CMC2: variants seen among roughly 807,000 people sequenced by gnomAD.
CMC2 encodes the protein COX assembly mitochondrial protein 2 homolog.
In CMC2, 5 loss-of-function variants were observed where a neutral mutation model predicts 7.5. The observed-to-expected ratio is 0.66, with a 90% CI of 0.35 to 1.40. CMC2 has a LOEUF of 1.40. Among genes scored for constraint, CMC2 ranks in the 40% most tolerant of loss-of-function variants. The probability of loss-of-function intolerance (pLI) is 0.04; values close to 1 mark genes in which losing one functional copy is unlikely to be tolerated. For missense variants in CMC2, 115 were observed against 92.3 expected (o/e 1.25, Z -1.01); for synonymous variants, 37 against 31.4 (o/e 1.18, Z -0.60).
rs112628217 is a variant in CMC2, at chr16:80,971,016, T to A, written c.*5077A>T. 870 of 152,246 alleles carry A rather than the reference T, an allele frequency of 5.7e-3. 5 individuals carry two copies. The highest frequency in any genetic ancestry group is 0.02 in the African/African-American group (833 of 41,524). 9.4% of individuals were successfully genotyped at this position (152,246 alleles called of 1,614,324 possible). A position where few individuals can be genotyped will look rare whatever the true frequency, so the allele number is the denominator to read the frequency against. On this transcript the variant is annotated 3_prime_UTR_variant, in exon 4 of 4. Coordinates refer to ENST00000219400, the MANE Select transcript of CMC2 (RefSeq NM_020188.5). ...AGGGCATGGTGGCACATGCCTGTAGTCCCAGCCACTCAGGAGGCTAAGGCA... is the reference window on the plus strand; with the variant it reads ...AGGGCATGGTGGCACATGCCTGTAGACCCAGCCACTCAGGAGGCTAAGGCA...
At chr16:80,991,502 C>T (rs1967989894) in intron 2 of CMC2, among the ~76,000 whole-genome samples, 1 of 151,978 alleles carries the variant, frequency 6.6e-6, no homozygotes, top group Non-Finnish European at 1.5e-5. Context: ...ATTATTCGAG[C>T]ATGGTGACGT....
intron 2 of CMC2, among the ~76,000 whole-genome samples, chr16:80,994,824 G>C (rs897437723): frequency 1.3e-5 from 2 of 152,152 alleles, no homozygotes; most frequent in African/African-American, 4.8e-5. Flanking sequence ...ATTTACCCAA[G>C]AGAAATAAAA....
chr16:80,992,381 G>C (rs1968072027), intron 2 of CMC2, among the ~76,000 whole-genome samples: 1 of 152,094 alleles, frequency 6.6e-6, no homozygotes, highest in South Asian at 2.1e-4. Flanking sequence ...TCCTATAAGT[G>C]GGACTGATGG....
chr16:80,983,630 T>G (rs139169272), intron 2 of CMC2: 38 of 152,352 alleles, frequency 2.5e-4, no homozygotes, highest in African/African-American at 8.2e-4. Flanking sequence ...TAATAAATGC[T>G]TAGTGCCAGA....
chr16:80,981,059 T>G (rs1967074626), intron 3 of CMC2, among the ~76,000 whole-genome samples: 1 of 149,818 alleles, frequency 6.7e-6, no homozygotes. Context: ...AATATTATAT[T>G]TAAATCTTTC....
At position 80,981,983 on chromosome 16, in the gene CMC2, G is replaced by A. The variant is rs112144114; in HGVS notation, c.82-106C>T. 4.6e-3 allele frequency: 2,910 copies of A among 627,866 alleles called. 63 individuals carry two copies. The highest frequency in any genetic ancestry group is 0.046 in the African/African-American group (2,495 of 53,944). The allele number at this position is 627,866 out of a possible 1,614,324, so 38.9% of individuals were successfully genotyped here. A position where few individuals can be genotyped will look rare whatever the true frequency, so the allele number is the denominator to read the frequency against. ...AGACATGAGTTTACAGTGTCACTTT[G>A]TTAATAAACAAGTAATAGTTAAATC... On this transcript the variant is annotated intron_variant, in intron 2 of 3. Coordinates refer to ENST00000219400, the MANE Select transcript of CMC2 (RefSeq NM_020188.5).
rs1320119234 is a variant in CMC2 at position 80,974,173 on chromosome 16, C to G, written c.*1920G>C. The G allele has an allele frequency of 2.0e-5, 3 of 152,286 alleles. No homozygotes were observed. Among genetic ancestry groups the G allele is most frequent in the Non-Finnish European group, 4.4e-5 (3 of 68,080 alleles). The allele number at this position is 152,286 out of a possible 1,614,324, so 9.4% of individuals were successfully genotyped here. ...AGACATCCTAGACACTTCCTTAAAC[C>G]CTACACCTAGTCAGTCATGCTGACT... On this transcript the variant is annotated 3_prime_UTR_variant, in exon 4 of 4. Transcript: ENST00000219400.
At position 80,987,722 on chromosome 16, in the gene CMC2, C is replaced by G. The variant is rs567516569; in HGVS notation, c.82-5845G>C. On this transcript the variant is annotated intron_variant, in intron 2 of 3. Transcript: ENST00000219400. Reference sequence around the variant, plus strand: ...CAAGGTAGGCTATTTGGAGATAAAACACTCATGCACTTCAAGCAGGTTGGA... The same window carrying G: ...CAAGGTAGGCTATTTGGAGATAAAAGACTCATGCACTTCAAGCAGGTTGGA... 9.2e-5 allele frequency among the ~76,000 whole-genome samples: 14 copies of G among 152,276 alleles called. No individual in the cohort carries two copies. In the South Asian group the frequency reaches 2.9e-3, roughly 32 times the overall value.
chr16:80,997,676 G>A, intron 1 of CMC2: 1 of 256,876 alleles, frequency 3.9e-6, no homozygotes, highest in Non-Finnish European at 7.4e-6. Context: ...AGCCTCAAGA[G>A]ACCCAATCCC....
intron 1 of CMC2, among the ~76,000 whole-genome samples, chr16:81,005,596 G>T (rs920100652): frequency 1.6e-5 from 1 of 63,442 alleles, no homozygotes; most frequent in East Asian, 4.5e-4. Flanking sequence ...CACAGGACCA[G>T]TTCTAAACCG....
chr16:80,998,925 T>A (rs1449582449), intron 1 of CMC2: 1 of 141,138 alleles, frequency 7.1e-6, no homozygotes, highest in Non-Finnish European at 1.6e-5. Context: ...CTCAACAAAC[T>A]AGGCACTGAA....
In CMC2 at chr16:80,997,447, T is replaced by A; in HGVS notation, c.-35-18A>T. The A allele has an allele frequency of 7.8e-7, 1 of 1,282,586 alleles. No individual in the cohort carries two copies. Among genetic ancestry groups the A allele is most frequent in the Non-Finnish European group, 1.1e-6 (1 of 879,428 alleles). The allele number at this position is 1,282,586 out of a possible 1,614,324, so 79.5% of individuals were successfully genotyped here. A position where few individuals can be genotyped will look rare whatever the true frequency, so the allele number is the denominator to read the frequency against. ...AGTGCAACCTGTGGATACAAGAGTGTCTTGAATATGCATAAACACATTTGT... is the reference window on the plus strand; with the variant it reads ...AGTGCAACCTGTGGATACAAGAGTGACTTGAATATGCATAAACACATTTGT... On this transcript the variant is annotated intron_variant, in intron 1 of 3. Transcript: ENST00000219400.
chr16:81,003,165 A>G (rs1328211705), intron 1 of CMC2, among the ~76,000 whole-genome samples: 1 of 152,234 alleles, frequency 6.6e-6, no homozygotes, highest in African/African-American at 2.4e-5. Flanking sequence ...TACAACTGTA[A>G]AAATGGCAAT....
At chr16:80,993,281 G>A (rs937302765) in intron 2 of CMC2, among the ~76,000 whole-genome samples, 1 of 152,146 alleles carries the variant, frequency 6.6e-6, no homozygotes, top group Non-Finnish European at 1.5e-5. Context: ...AAAACAAAGT[G>A]AACCCTACAT....
intron 3 of CMC2, among the ~76,000 whole-genome samples, chr16:80,977,747 G>C (rs1393290979): frequency 6.6e-6 from 1 of 152,180 alleles, no homozygotes; most frequent in Non-Finnish European, 1.5e-5. Flanking sequence ...TGGAATGGTA[G>C]TTTTCAAACT....
chr16:81,003,875 T>G (rs1969039939), intron 1 of CMC2, among the ~76,000 whole-genome samples: 1 of 152,202 alleles, frequency 6.6e-6, no homozygotes, highest in African/African-American at 2.4e-5. Context: ...CTCTCTTCCA[T>G]AAAATGGAAT....
At chr16:80,983,016 G>A (rs1967247966) in intron 2 of CMC2, 8 of 184,764 alleles carry the variant, frequency 4.3e-5, no homozygotes, top group Admixed American at 4.3e-4. Flanking sequence ...CTACCATTTC[G>A]GACTGACATA....
chr16:80,992,415 T>G (rs553915684), intron 2 of CMC2, among the ~76,000 whole-genome samples: 2 of 152,316 alleles, frequency 1.3e-5, no homozygotes, highest in African/African-American at 4.8e-5. Flanking sequence ...TATACGGCAG[T>G]TTTGCTACAA....
intron 2 of CMC2, among the ~76,000 whole-genome samples, chr16:80,991,486 CA>C (rs897507378): frequency 1.2e-4 from 19 of 152,018 alleles, no homozygotes; most frequent in African/African-American, 4.3e-4. Context: ...TATACAAATA[CA>C]AAAAATTATT....
Sources: gnomAD v4.1 joint callset for allele counts (sites outside exome capture counted in the v4.1 genomes callset) on GRCh38, gnomAD v4.1.1 for gene constraint, MANE v1.5 for transcripts, NCBI Gene and HGNC (gene_info 2026-07-23, HGNC 2026-07-21) for gene names.